Variants in CLEC4F observed in about 807,000 individuals in gnomAD.
CLEC4F encodes C-type lectin domain family 4 member F, also known as C-type (calcium dependent, carbohydrate-recognition domain) lectin, superfamily member 13.
CLEC4F carries 45 observed loss-of-function variants against 53.4 expected under a neutral mutation model. The ratio of observed to expected loss-of-function variants is 0.84; its 90% CI spans 0.66 to 1.08. The LOEUF is 1.08. Ranked by LOEUF, CLEC4F falls within the 50% of genes least tolerant of loss-of-function variation. CLEC4F has a pLI of 0.00. For synonymous variants in CLEC4F, 245 were observed against 257.5 expected, an observed-to-expected ratio of 0.95 and a Z score of 0.46; for missense variants, 753 against 698.2, an observed-to-expected ratio of 1.08 and a Z score of -0.88.
At chr2:70,822,483 G>T (rs555015663), upstream of CLEC4F, among the ~76,000 whole-genome samples, 6 of 152,270 alleles carry the variant, frequency 3.9e-5, no homozygotes, top group Non-Finnish European at 7.4e-5. Context: ...AGCATTAGAA[G>T]AGAAGGCATG....
upstream of CLEC4F, among the ~76,000 whole-genome samples, chr2:70,822,730 A>G (rs1293497847): frequency 6.6e-6 from 1 of 152,228 alleles, no homozygotes; most frequent in Admixed American, 6.5e-5. Flanking sequence ...TGGAAAGTCT[A>G]ATTACATATT....
chr2:70,819,829 G>C lies in CLEC4F; in HGVS notation c.124C>G (p.Pro42Ala). The change falls in exon 2 of 7, where the codon CCG becomes GCG. Residue 42 changes from proline (P) to alanine (A), a missense_variant. Physicochemically the swap from Pro to Ala is conservative, Grantham distance 27. Transcript: ENST00000272367. The part of the protein sequence containing the change: ...PKIPRLVQAT[P>A]AFMAVTLVFS... Reference sequence around the variant, plus strand: ...ACCAAGGTCACAGCCATAAATGCCGGGGTAGCCTGAACGAGCCTCGGTATC... The same window carrying C: ...ACCAAGGTCACAGCCATAAATGCCGCGGTAGCCTGAACGAGCCTCGGTATC... 6.2e-7 allele frequency: 1 copy of C among 1,609,874 alleles called. No homozygotes were observed. Among genetic ancestry groups the C allele is most frequent in the Non-Finnish European group, 8.5e-7 (1 of 1,178,168 alleles).
chr2:70,809,777 C>T lies in CLEC4F; in HGVS notation c.1620G>A (p.Trp540Ter). Reference protein sequence around the residue: ...TDRGTEGSWRWTDGTPFNAAQ... With the variant: ...TDRGTEGSWR ...CGGCGTTGAATGGTGTCCCATCTGT[C>T]CAGCGCCAGGAGCCCTCTGTGCCCC... Residue 540 changes from tryptophan (W) to a stop codon, truncating the protein, a stop_gained, in exon 6 of 7, where the codon TGG becomes TGA. Coordinates refer to ENST00000272367, the MANE Select transcript of CLEC4F (RefSeq NM_173535.3). LOFTEE classifies it low-confidence loss of function (END_TRUNC). 6.2e-7 allele frequency: 1 copy of T among 1,614,126 alleles called. No individual in the cohort carries two copies. Among genetic ancestry groups the T allele is most frequent in the Middle Eastern group, 1.6e-4 (1 of 6,062 alleles).
chr2:70,819,262 G>A, intron 3 of CLEC4F, 93 bp downstream of exon 3: 1 of 967,486 alleles, frequency 1.0e-6, no homozygotes, highest in East Asian at 2.4e-5. Flanking sequence ...CCATTCAGTG[G>A]TCAGAGGGTA....
chr2:70,820,846 G>A (rs1677196307), upstream of CLEC4F, among the ~76,000 whole-genome samples: 1 of 152,100 alleles, frequency 6.6e-6, no homozygotes, highest in South Asian at 2.1e-4. Context: ...TGGGGGCTGG[G>A]ACTGGCACCT....
chr2:70,821,977 T>A (rs1677235505), upstream of CLEC4F, among the ~76,000 whole-genome samples: 1 of 152,146 alleles, frequency 6.6e-6, no homozygotes, highest in African/African-American at 2.4e-5. Context: ...CAGGCTGGTC[T>A]GGAACTCCTG....
Position 70,816,037 on chromosome 2 carries a change from G to A in CLEC4F, c.1344C>T (p.Leu448=), listed in dbSNP as rs1340828463. ...IQQEQSRLKT[L]HVVITSQEQL... is the part of the protein sequence containing the mutation. ...GTTCCTGTGAAGTAATGACCACATG[G>A]AGGGTCTTCAGGCGACTCTGCTCCT... Residue 448 remains leucine, a synonymous_variant, in exon 4 of 7, where the codon CTC becomes CTT. Coordinates refer to ENST00000272367, the MANE Select transcript of CLEC4F (RefSeq NM_173535.3). The A allele has an allele frequency of 1.2e-6, 2 of 1,614,088 alleles. No individual in the cohort carries two copies. The highest frequency in any genetic ancestry group is 1.7e-6 in the Non-Finnish European group (2 of 1,180,046).
rs571482646 is a variant in CLEC4F at position 70,816,820 on chromosome 2, A to T, written c.561T>A (p.Leu187=). 9 of 1,613,648 alleles carry T rather than the reference A, an allele frequency of 5.6e-6. No individual in the cohort carries two copies. The highest frequency in any genetic ancestry group is 1.3e-5 in the African/African-American group (1 of 74,798). The stretch of plus-strand genomic sequence containing the variant: ...GGAAAGTTAAAGCATCTGCCTTTTC[A>T]AGGTCTTCCTTGAGCCTCTGGATCT... ...NAEIQRLKED[L]EKADALTFQT... is the part of the protein sequence containing the mutation. Residue 187 remains leucine, a synonymous_variant, in exon 4 of 7, where the codon CTT becomes CTA. Coordinates refer to ENST00000272367, the MANE Select transcript of CLEC4F (RefSeq NM_173535.3).
At chr2:70,809,466 C>T in intron 6 of CLEC4F, 84 bp from the exon 7 acceptor site, 3 of 1,440,472 alleles carry the variant, frequency 2.1e-6, no homozygotes, top group Non-Finnish European at 2.8e-6. Flanking sequence ...CCTAATGACC[C>T]TCTGTGGAGG....
At chr2:70,822,364 C>A (rs1548888), upstream of CLEC4F, among the ~76,000 whole-genome samples, 93,368 of 152,024 alleles carry the variant, frequency 0.61, 29,136 homozygotes, top group Middle Eastern at 0.7. Flanking sequence ...AGACTAACTC[C>A]AAAGAATCTG....
intron 5 of CLEC4F, chr2:70,811,202 A>G (rs1676540884): frequency 2.7e-6 from 2 of 735,510 alleles, no homozygotes; most frequent in Non-Finnish European, 4.8e-6. Flanking sequence ...TCTGGATGGC[A>G]TTCACGCTGA....
chr2:70,815,586 T>C (rs1243750225), intron 4 of CLEC4F, among the ~76,000 whole-genome samples: 2 of 152,204 alleles, frequency 1.3e-5, no homozygotes. Context: ...TGTGAACTCA[T>C]TGGATCCTCA....
In CLEC4F at chr2:70,809,751, G is replaced by A. The variant is rs940936830; in HGVS notation, c.1646C>T (p.Ala549Val). 5 of 1,613,634 alleles carry A rather than the reference G, an allele frequency of 3.1e-6. No homozygotes were observed. In the African/African-American group the frequency reaches 5.3e-5, roughly 17 times the overall value. Reference sequence around the variant, plus strand: ...TGGCTAGACTCACGCTTTGTTCTGGGCGGCGTTGAATGGTGTCCCATCTGT... The same window carrying A: ...TGGCTAGACTCACGCTTTGTTCTGGACGGCGTTGAATGGTGTCCCATCTGT... ...RWTDGTPFNA[A>V]QNKAPGSKGS... Residue 549 changes from alanine (A) to valine (V), a missense_variant, in exon 6 of 7, where the codon GCC becomes GTC. Physicochemically the swap from Ala to Val is moderately conservative, Grantham distance 64. Transcript: ENST00000272367.
At chr2:70,819,480 C>A in intron 2 of CLEC4F, 36 bp from the exon 3 acceptor site, 1 of 1,585,024 alleles carries the variant, frequency 6.3e-7, no homozygotes, top group Non-Finnish European at 8.7e-7. Flanking sequence ...AGCAAATCCC[C>A]AGCCCTGAGC....
intron 2 of CLEC4F, 41 bp from the exon 3 acceptor site, chr2:70,819,485 CT>C (rs1553397316): frequency 6.4e-7 from 1 of 1,573,952 alleles, no homozygotes; most frequent in Non-Finnish European, 8.7e-7. Flanking sequence ...ATCCCCAGCC[CT>C]GAGCCTGGGA....
At chr2:70,819,274 C>G in intron 3 of CLEC4F, 81 bp downstream of exon 3, 5 of 1,074,378 alleles carry the variant, frequency 4.7e-6, no homozygotes, top group Non-Finnish European at 5.8e-6. Context: ...CAGAGGGTAC[C>G]AGGAGAGAAG....
upstream of CLEC4F, among the ~76,000 whole-genome samples, chr2:70,825,032 C>T (rs2863805): frequency 0.6 from 91,717 of 151,830 alleles, 28,184 homozygotes; most frequent in Middle Eastern, 0.7. Flanking sequence ...GCCTGGAGAT[C>T]AAGGTCAACG....
rs78241995 is a variant in CLEC4F, at chr2:70,816,596, T to C, written c.785A>G (p.Asp262Gly). The change falls in exon 4 of 7, where the codon GAT becomes GGT. Residue 262 changes from aspartate (D) to glycine (G), a missense_variant. Transcript: ENST00000272367. ...AEIYVLRGHL[D>G]SVNDLRTQNQ... ...CTGGGTCCTCAAGTCATTGACACTA[T>C]CTAGATGGCCTCTCAAAACATAGAT... The C allele has an allele frequency of 6.2e-7, 1 of 1,614,084 alleles. No individual in the cohort carries two copies. The highest frequency in any genetic ancestry group is 2.2e-5 in the East Asian group (1 of 44,884).
At chr2:70,820,311 G>C in intron 1 of CLEC4F, 152 bp downstream of exon 1, 1 of 671,150 alleles carries the variant, frequency 1.5e-6, no homozygotes, top group Non-Finnish European at 2.5e-6. Context: ...TGAATTCAAA[G>C]TTCATCCCCT....
Sources: allele counts gnomAD v4.1 joint callset (sites outside exome capture counted in the v4.1 genomes callset), GRCh38; gene constraint gnomAD v4.1.1; transcripts MANE v1.5; gene names NCBI Gene and HGNC (gene_info 2026-07-23, HGNC 2026-07-21).